The following SYK variants were observed in gnomAD, a reference collection of about 807,000 sequenced individuals.
SYK encodes the protein tyrosine-protein kinase SYK.
In SYK, 16 loss-of-function variants were observed where a neutral mutation model predicts 77.8. The ratio of observed to expected loss-of-function variants is 0.21; its 90% CI spans 0.14 to 0.31. The LOEUF is 0.31. Ranked by LOEUF, SYK falls within the 10% of genes least tolerant of loss-of-function variation. The pLI is 1.00. For missense variants in SYK, 529 were observed against 814.4 expected (o/e 0.65, Z 4.26); for synonymous variants, 312 against 308.7 (o/e 1.01, Z -0.11).
Position 90,845,478 on chromosome 9 carries a change from G to A in SYK, c.462G>A (p.Leu154=), listed in dbSNP as rs1564090153. Residue 154 remains leucine (L), a synonymous_variant, in exon 3 of 14, where the codon CTG becomes CTA. Coordinates refer to ENST00000375754, the MANE Select transcript of SYK (RefSeq NM_003177.7). ...EQAIISQKPQ[L]EKLIATTAHE... ...CCATCATCAGTCAGAAGCCTCAGCT[G>A]GAGAAGCTGATCGCTACCACAGCCC... is the stretch of plus-strand genomic sequence containing the variant. 1 of 1,614,184 alleles carries A rather than the reference G, an allele frequency of 6.2e-7. No homozygotes were observed. Among genetic ancestry groups the A allele is most frequent in the African/African-American group, 1.3e-5 (1 of 75,056 alleles).
chr9:90,827,776 C>T (rs2118470592), intron 1 of SYK, among the ~76,000 whole-genome samples: 1 of 152,310 alleles, frequency 6.6e-6, no homozygotes, highest in South Asian at 2.1e-4. Context: ...CTTGTCTTGC[C>T]TGCAGTTATG....
Position 90,888,458 on chromosome 9 carries a change from T to C in SYK, c.1723-57T>C, listed in dbSNP as rs549310115. On this transcript the variant is annotated intron_variant, in intron 12 of 13. Coordinates refer to ENST00000375754, the MANE Select transcript of SYK (RefSeq NM_003177.7). ...CATGTCTTGGAGTGGCTGTTTTGTT[T>C]TGTTTGACTAACACCTTTAAAAAAA... is the stretch of plus-strand genomic sequence containing the variant. 1.6e-3 allele frequency: 2,110 copies of C among 1,346,644 alleles called. 12 individuals carry two copies. The highest frequency in any genetic ancestry group is 7.7e-3 in the South Asian group (546 of 71,294). 83.4% of individuals were successfully genotyped at this position (1,346,644 alleles called of 1,614,324 possible). A position where few individuals can be genotyped will look rare whatever the true frequency, so the allele number is the denominator to read the frequency against.
At chr9:90,874,183 G>A in intron 7 of SYK, 21 bp from the exon 8 acceptor site, 1 of 1,602,824 alleles carries the variant, frequency 6.2e-7, no homozygotes, top group Non-Finnish European at 8.5e-7. Flanking sequence ...AAAACAACCT[G>A]TTGTCCTTTA....
intron 13 of SYK, among the ~76,000 whole-genome samples, chr9:90,890,976 G>C (rs1192033773): frequency 6.6e-6 from 1 of 152,148 alleles, no homozygotes; most frequent in African/African-American, 2.4e-5. Context: ...CCGGCTCCGT[G>C]TGGAAATGCA....
At chr9:90,841,211 G>A (rs2118595115) in intron 1 of SYK, among the ~76,000 whole-genome samples, 1 of 151,352 alleles carries the variant, frequency 6.6e-6, no homozygotes, top group South Asian at 2.1e-4. Flanking sequence ...GTTGCATGTA[G>A]TGTGTTGTGT....
At chr9:90,844,656 T>C (rs1403244177) in intron 2 of SYK, among the ~76,000 whole-genome samples, 1 of 152,246 alleles carries the variant, frequency 6.6e-6, no homozygotes, top group Non-Finnish European at 1.5e-5. Flanking sequence ...TACACACTGA[T>C]AGGCACTTGA....
chr9:90,828,213 A>C (rs1018743484), intron 1 of SYK, among the ~76,000 whole-genome samples: 1 of 139,810 alleles, frequency 7.2e-6, no homozygotes, highest in African/African-American at 2.7e-5. Context: ...TTGTCATTGC[A>C]GTCTGCTGTG....
At chr9:90,870,522 C>A (rs1026035805) in intron 7 of SYK, among the ~76,000 whole-genome samples, 2 of 152,158 alleles carry the variant, frequency 1.3e-5, no homozygotes, top group African/African-American at 4.8e-5. Flanking sequence ...CAAGTTGTAC[C>A]CTGTTGCTTG....
At chr9:90,813,060 GA>G (rs1825152863) in intron 1 of SYK, among the ~76,000 whole-genome samples, 1 of 152,154 alleles carries the variant, frequency 6.6e-6, no homozygotes. Context: ...TCGTCTTTAA[GA>G]TTTTTTTTTA....
intron 1 of SYK, among the ~76,000 whole-genome samples, chr9:90,816,368 A>C (rs2118358876): frequency 6.6e-6 from 1 of 152,300 alleles, no homozygotes; most frequent in East Asian, 1.9e-4. Flanking sequence ...TTTTAGTCTA[A>C]GTCCTGAAAT....
chr9:90,879,826 A>C (rs1243507520), intron 11 of SYK, among the ~76,000 whole-genome samples: 1 of 100,848 alleles, frequency 9.9e-6, no homozygotes, highest in Admixed American at 1.3e-4. Flanking sequence ...TGGACTTCCT[A>C]AAAAATAATT....
Position 90,884,244 on chromosome 9 carries a change from TATACAC to T in SYK, c.1582-3488_1582-3483del, listed in dbSNP as rs374921796. ...ATATACACATACACATACGTGTATA[TATACAC>T]ATACACATACACATACGTGTATATA... On this transcript the variant is annotated intron_variant, in intron 11 of 13. Coordinates refer to ENST00000375754, the MANE Select transcript of SYK (RefSeq NM_003177.7). 8.9e-4 allele frequency among the ~76,000 whole-genome samples: 85 copies of T among 95,432 alleles called. 1 individual carries two copies. Among genetic ancestry groups the T allele is most frequent in the Middle Eastern group, 0.014 (2 of 140 alleles). The allele number at this position is 95,432 out of a possible 152,430, so 62.6% of individuals were successfully genotyped here. A position where few individuals can be genotyped will look rare whatever the true frequency, so the allele number is the denominator to read the frequency against.
intron 3 of SYK, among the ~76,000 whole-genome samples, chr9:90,846,578 G>A (rs1221025778): frequency 6.6e-6 from 1 of 151,954 alleles, no homozygotes; most frequent in African/African-American, 2.4e-5. Context: ...CAGGAGGATC[G>A]CTTCATCCTC....
At chr9:90,824,303 C>T (rs1486810614) in intron 1 of SYK, among the ~76,000 whole-genome samples, 1 of 152,118 alleles carries the variant, frequency 6.6e-6, no homozygotes, top group Non-Finnish European at 1.5e-5. Context: ...TTCTGTCAAA[C>T]ACTTAAGAAA....
At chr9:90,846,747 C>A (rs866616075) in intron 3 of SYK, among the ~76,000 whole-genome samples, 2 of 150,962 alleles carry the variant, frequency 1.3e-5, no homozygotes, top group African/African-American at 4.9e-5. Context: ...CAGGTTGCCA[C>A]GCGGCAGTGC....
chr9:90,859,659 A>G (rs1209200814), intron 3 of SYK, among the ~76,000 whole-genome samples: 3 of 152,122 alleles, frequency 2.0e-5, no homozygotes, highest in Non-Finnish European at 4.4e-5. Flanking sequence ...GTTTCAGGAG[A>G]CTGTTCCAAA....
intron 1 of SYK, among the ~76,000 whole-genome samples, chr9:90,802,581 T>G (rs992918821): frequency 1.3e-5 from 2 of 150,232 alleles, no homozygotes; most frequent in African/African-American, 5.0e-5. Flanking sequence ...TCTTTTTGTC[T>G]GTTTGTCTGT....
rs116867201 is a variant in SYK, at chr9:90,823,410, T to G, written c.-41-20448T>G. 9.6e-4 allele frequency among the ~76,000 whole-genome samples: 146 copies of G among 152,326 alleles called. 1 individual carries two copies. In the East Asian group the frequency reaches 0.025, roughly 26 times the overall value. ...TCACTCAACTTGATCTAATTGACAT[T>G]TATAAAATATTCCATTCAACAACAG... On this transcript the variant is annotated intron_variant, in intron 1 of 13. Transcript: ENST00000375754.
chr9:90,842,782 T>A (rs1386619467), intron 1 of SYK, among the ~76,000 whole-genome samples: 1 of 141,460 alleles, frequency 7.1e-6, no homozygotes, highest in African/African-American at 2.5e-5. Context: ...TGTGTGTGTG[T>A]GTGTGTGTGT....
Sources: allele counts gnomAD v4.1 joint callset (sites outside exome capture counted in the v4.1 genomes callset), GRCh38; gene constraint gnomAD v4.1.1; transcripts MANE v1.5; gene names NCBI Gene and HGNC (gene_info 2026-07-23, HGNC 2026-07-21).